The following MICAL1 variants were observed in gnomAD, a reference collection of about 807,000 sequenced individuals.
MICAL1 encodes the protein [F-actin]-monooxygenase MICAL1.
MICAL1 carries 95 observed loss-of-function variants against 131.8 expected under a neutral mutation model. The observed-to-expected ratio is 0.72, with a 90% CI of 0.61 to 0.86. The LOEUF is 0.86. Ranked by LOEUF, MICAL1 falls within the 40% of genes least tolerant of loss-of-function variation. The pLI is 0.00. For missense variants in MICAL1, 1,292 were observed against 1,380.6 expected (o/e 0.94, Z 1.02); for synonymous variants, 546 against 554.2 (o/e 0.99, Z 0.21).
chr6:109,454,145 G>A lies in MICAL1; in HGVS notation c.52C>T (p.Leu18=). The change falls in exon 2 of 25, where the codon CTG becomes TTG. Residue 18 remains leucine, a synonymous_variant. Coordinates refer to ENST00000358807, the MANE Select transcript of MICAL1 (RefSeq NM_022765.4). ...NPAHAHFESF[L]QAQLCQDVLS... is the part of the protein sequence containing the mutation. ...ACGTCCTGGCACAGCTGGGCCTGCA[G>A]GAAGCTCTCAAAGTGGGCATGCGCT... The A allele has an allele frequency of 1.2e-6, 2 of 1,612,740 alleles. No homozygotes were observed. Among genetic ancestry groups the A allele is most frequent in the South Asian group, 1.1e-5 (1 of 90,962 alleles).
chr6:109,446,783 TAG>T lies in MICAL1; in HGVS notation c.2228-13_2228-12del, dbSNP rs1775245779. The T allele has an allele frequency of 1.9e-6, 3 of 1,611,760 alleles. No individual in the cohort carries two copies. Among genetic ancestry groups the T allele is most frequent in the East Asian group, 2.2e-5 (1 of 44,840 alleles). On this transcript the variant is annotated splice_polypyrimidine_tract_variant and intron_variant, in intron 17 of 24. Transcript: ENST00000358807. ...GGCAGTAGAAATGTCCTGGAAAGGG[TAG>T]AGAGGGGAGGAGGCATTTGGTGTGG...
rs372148556 is a variant in MICAL1, at chr6:109,448,696, G to A, written c.1664+36C>T. The A allele has an allele frequency of 2.5e-6, 4 of 1,612,524 alleles. No individual in the cohort carries two copies. The East Asian group carries it at 8.9e-5, about 36-fold the overall frequency. On this transcript the variant is annotated intron_variant, in intron 12 of 24. Coordinates refer to ENST00000358807, the MANE Select transcript of MICAL1 (RefSeq NM_022765.4). ...CTGGATATGCTAACTCCTACACTGA[G>A]ATCATGAGAGAGAGGTGGGTCTGCC...
At position 109,448,430 on chromosome 6, in the gene MICAL1, A is replaced by G. The variant is rs75811724; in HGVS notation, c.1665-37T>C. The G allele has an allele frequency of 5.4e-4, 872 of 1,607,604 alleles. 9 individuals are homozygous for G. The East Asian group carries it at 0.016, about 29-fold the overall frequency. ...CAGGGAGAAAAGCCAACTAGAGACA[A>G]GAACCTAGCCCCACTGAGGGGAGGA... On this transcript the variant is annotated intron_variant, in intron 12 of 24. Coordinates refer to ENST00000358807, the MANE Select transcript of MICAL1 (RefSeq NM_022765.4).
intron 4 of MICAL1, 126 bp from the exon 5 acceptor site, chr6:109,452,741 T>A: frequency 1.5e-6 from 1 of 683,758 alleles, no homozygotes; most frequent in Non-Finnish European, 2.4e-6. Context: ...AATGATATAT[T>A]ATCTATCAGA....
intron 1 of MICAL1, chr6:109,465,550 C>G: frequency 8.6e-7 from 1 of 1,161,716 alleles, no homozygotes; most frequent in Non-Finnish European, 1.2e-6. Flanking sequence ...TTAAACCTTA[C>G]AGAAAAACTG....
In MICAL1 at chr6:109,447,717, A is replaced by G. The variant is rs757726711; in HGVS notation, c.1950T>C (p.Asn650=). Residue 650 remains asparagine (N), a synonymous_variant, in exon 15 of 25, where the codon AAT becomes AAC. Transcript: ENST00000358807. ...GCTTCTTGCCACCAGCATCCTCTGC[A>G]TTTTCCTGCAATAAGTCCTAACAGC... ...RTLQRSRAKE[N]AEDAGGKKLR... 1.9e-6 allele frequency: 3 copies of G among 1,613,852 alleles called. No homozygotes were observed. Among genetic ancestry groups the G allele is most frequent in the Admixed American group, 1.7e-5 (1 of 59,974 alleles).
At chr6:109,452,782 G>A (rs538099531) in intron 4 of MICAL1, among the ~76,000 whole-genome samples, 167 bp from the exon 5 acceptor site, 200 of 152,336 alleles carry the variant, frequency 1.3e-3, no homozygotes, top group African/African-American at 4.5e-3. Context: ...TGGAAGGCAG[G>A]TGAGGAAGGA....
chr6:109,456,744 T>TA (rs1775762147), upstream of MICAL1, among the ~76,000 whole-genome samples: 1 of 152,220 alleles, frequency 6.6e-6, no homozygotes, highest in Admixed American at 6.5e-5. Flanking sequence ...TCGTCTCATT[T>TA]ATTGACCGTC....
chr6:109,444,758 C>T lies in MICAL1; in HGVS notation c.3022G>A (p.Asp1008Asn). The T allele has an allele frequency of 6.2e-7, 1 of 1,614,130 alleles. No homozygotes were observed. The highest frequency in any genetic ancestry group is 1.3e-5 in the African/African-American group (1 of 75,034). ...LNLEEKQWQLDQELRGYMNRE... is the reference protein window; with the variant it reads ...LNLEEKQWQLNQELRGYMNRE... ...TTCATGTAGCCTCGTAGCTCCTGGT[C>T]CAGCTGCCACTGTTTCTCCTCCAGA... is the stretch of plus-strand genomic sequence containing the variant. The change falls in exon 24 of 25, where the codon GAC becomes AAC. Residue 1008 changes from aspartate to asparagine, a missense_variant. Coordinates refer to ENST00000358807, the MANE Select transcript of MICAL1 (RefSeq NM_022765.4).
upstream of MICAL1, among the ~76,000 whole-genome samples, chr6:109,457,284 GACACGTCATTTGGCTTGAA>G (rs1369763495): frequency 6.6e-6 from 1 of 152,150 alleles, no homozygotes; most frequent in Non-Finnish European, 1.5e-5. Flanking sequence ...TTTTGAGTGT[GACACGTCATTTGGCTTGAA>G]ATGAATTTGC....
intron 13 of MICAL1, 86 bp downstream of exon 13, chr6:109,448,104 ACACACACACACAC>A: frequency 7.4e-7 from 1 of 1,359,558 alleles, no homozygotes; most frequent in Non-Finnish European, 9.8e-7. Context: ...TCTGACACAC[ACACACACACACAC>A]CGCCTTCTCC....
chr6:109,449,883 C>T (rs529486702), intron 9 of MICAL1, 87 bp downstream of exon 9: 16 of 1,584,892 alleles, frequency 1.0e-5, no homozygotes, highest in Non-Finnish European at 1.2e-5. Flanking sequence ...CCTATTCCTC[C>T]GTCTATTCAC....
intron 2 of MICAL1, 33 bp downstream of exon 2, chr6:109,453,906 C>T: frequency 6.2e-7 from 1 of 1,611,364 alleles, no homozygotes; most frequent in Non-Finnish European, 8.5e-7. Flanking sequence ...TCCCCGCATG[C>T]TCCACACCCC....
intron 6 of MICAL1, 123 bp from the exon 7 acceptor site, chr6:109,451,823 C>G (rs778533589): frequency 2.0e-6 from 3 of 1,482,010 alleles, no homozygotes; most frequent in Non-Finnish European, 2.7e-6. Flanking sequence ...GAGTGCTCCA[C>G]GCATAGAACC....
intron 15 of MICAL1, 115 bp downstream of exon 15, chr6:109,447,566 G>T: frequency 6.5e-7 from 1 of 1,542,190 alleles, no homozygotes; most frequent in Non-Finnish European, 9.0e-7. Context: ...CTGGATGGGG[G>T]GGTTACAGGA....
At chr6:109,451,899 A>C (rs1775559525) in intron 6 of MICAL1, 199 bp from the exon 7 acceptor site, 1 of 1,393,010 alleles carries the variant, frequency 7.2e-7, no homozygotes, top group Admixed American at 3.2e-5. Context: ...ACTTAGAGCA[A>C]AGAGGGAAGC....
In MICAL1 at chr6:109,445,248, C is replaced by A; in HGVS notation, c.2830G>T (p.Glu944Ter). The change falls in exon 22 of 25, where the codon GAG becomes TAG. Residue 944 changes from glutamate (E) to a stop codon, truncating the protein, a stop_gained. Coordinates refer to ENST00000358807, the MANE Select transcript of MICAL1 (RefSeq NM_022765.4). LOFTEE classifies it high-confidence loss of function. ...AGCTTCACGCCCTCGGCCTCTAGCT[C>A]CCTCAAGGCAGCCTCAATCTCATTT... ...RLNEIEAALRELEAEGVKLEL... is the reference protein window; with the variant it reads ...RLNEIEAALR 1 of 1,614,106 alleles carries A rather than the reference C, an allele frequency of 6.2e-7. No individual in the cohort carries two copies. The highest frequency in any genetic ancestry group is 8.5e-7 in the Non-Finnish European group (1 of 1,180,034).
At chr6:109,449,527 C>A (rs1775418862) in intron 10 of MICAL1, 46 bp from the exon 11 acceptor site, 1 of 1,612,766 alleles carries the variant, frequency 6.2e-7, no homozygotes. Context: ...GCCACACAGC[C>A]CCTGAGTCCA....
upstream of MICAL1, among the ~76,000 whole-genome samples, chr6:109,460,413 C>A (rs1482313610): frequency 7.6e-6 from 1 of 132,380 alleles, no homozygotes; most frequent in Admixed American, 8.2e-5. Context: ...TGTGACAGAG[C>A]AAGACCCTAC....
Sources: gnomAD v4.1 joint callset for allele counts (sites outside exome capture counted in the v4.1 genomes callset) on GRCh38, gnomAD v4.1.1 for gene constraint, MANE v1.5 for transcripts, NCBI Gene and HGNC (gene_info 2026-07-23, HGNC 2026-07-21) for gene names.